Variants in KLF16 observed in about 807,000 individuals in gnomAD.
KLF16 encodes the protein Krueppel-like factor 16.
A neutral mutation model predicts 6.1 loss-of-function variants in KLF16; 6 were observed. The observed-to-expected ratio is 0.98, with a 90% CI of 0.54 to 1.93. The LOEUF (loss-of-function observed/expected upper bound fraction) is 1.93. Among genes scored for constraint, KLF16 ranks in the 30% most tolerant of loss-of-function variants. The probability of loss-of-function intolerance (pLI) is 0.01; values close to 1 mark genes in which losing one functional copy is unlikely to be tolerated. For synonymous variants in KLF16, 211 were observed against 176.5 expected (o/e 1.20, Z -1.55); for missense variants, 355 against 363.8 (o/e 0.98, Z 0.20).
At chr19:1,865,676 G>T (rs1450656398), upstream of KLF16, among the ~76,000 whole-genome samples, 1 of 152,146 alleles carries the variant, frequency 6.6e-6, no homozygotes, top group Non-Finnish European at 1.5e-5. Context: ...TCATCTGCAG[G>T]TCATGCCAGC....
the KLF16 span, chr19:1,875,347 T>TG: frequency 6.6e-6 from 1 of 152,216 alleles, no homozygotes; most frequent in African/African-American, 2.4e-5. Context: ...TCTGAATGCA[T>TG]GGGGCGCTCT....
intron 1 of KLF16, among the ~76,000 whole-genome samples, chr19:1,860,004 G>A (rs1438355099): frequency 6.6e-6 from 1 of 152,080 alleles, no homozygotes; most frequent in Non-Finnish European, 1.5e-5. Flanking sequence ...GTGCGGAGGA[G>A]AGAAGCCCTG....
chr19:1,862,765 G>A lies in KLF16; in HGVS notation c.457+276C>T, dbSNP rs1008969139. The stretch of plus-strand genomic sequence containing the variant: ...GCCCAGAAAGGGAGAGAGGTGGTCT[G>A]CCCAGGAGTCTCAATCCCGCCCGCA... On this transcript the variant is annotated intron_variant, in intron 1 of 1. Transcript: ENST00000250916. 1.5e-3 allele frequency: 561 copies of A among 369,360 alleles called. 1 individual carries two copies. Among genetic ancestry groups the A allele is most frequent in the Non-Finnish European group, 2.3e-3 (484 of 208,068 alleles). 22.9% of individuals were successfully genotyped at this position (369,360 alleles called of 1,614,324 possible). A position where few individuals can be genotyped will look rare whatever the true frequency, so the allele number is the denominator to read the frequency against.
the KLF16 span, among the ~76,000 whole-genome samples, chr19:1,870,766 C>T: frequency 4.3e-4 from 65 of 152,324 alleles, no homozygotes; most frequent in African/African-American, 1.4e-3. Flanking sequence ...GAGGCAGAGG[C>T]GGGCAGGTCA....
chr19:1,858,509 G>A (rs538254857), intron 1 of KLF16, among the ~76,000 whole-genome samples: 3 of 152,278 alleles, frequency 2.0e-5, no homozygotes, highest in South Asian at 2.1e-4. Context: ...CTTCATTGAC[G>A]GCTGGGTCCC....
intron 1 of KLF16, among the ~76,000 whole-genome samples, chr19:1,856,759 G>A (rs960633934): frequency 3.9e-5 from 6 of 152,200 alleles, no homozygotes; most frequent in African/African-American, 1.4e-4. Flanking sequence ...ATTGGGGCTC[G>A]CGCCCCTCCA....
At position 1,853,395 on chromosome 19, in the gene KLF16, GCACCCA is replaced by G. The variant is rs78380034; in HGVS notation, c.*1058_*1063del. The G allele has an allele frequency of 7.7e-3, 1,173 of 152,576 alleles. 8 individuals carry two copies. Among genetic ancestry groups the G allele is most frequent in the Non-Finnish European group, 0.012 (813 of 68,118 alleles). The allele number at this position is 152,576 out of a possible 1,614,324, so 9.5% of individuals were successfully genotyped here. A position where few individuals can be genotyped will look rare whatever the true frequency, so the allele number is the denominator to read the frequency against. ...ACGGGCCAGGACCCACCTCTTCCAA[GCACCCA>G]GGAGAAGGAGGGGAGGCCAGGGAAG... On this transcript the variant is annotated 3_prime_UTR_variant, in exon 2 of 2. Coordinates refer to ENST00000250916, the MANE Select transcript of KLF16 (RefSeq NM_031918.4).
chr19:1,874,656 A>C, the KLF16 span, among the ~76,000 whole-genome samples: 46 of 151,240 alleles, frequency 3.0e-4, no homozygotes, highest in African/African-American at 1.1e-3. Flanking sequence ...AAAAAATACA[A>C]ACAAAGTCAA....
Position 1,855,128 on chromosome 19 carries a change from G to A in KLF16, c.458-368C>T, listed in dbSNP as rs1001362571. Reference sequence around the variant, plus strand: ...GGCAGGGATTAGCAAAGGCCTCCCAGTGTCTGTCCCAGGCACAGGCACGCT... The same window carrying A: ...GGCAGGGATTAGCAAAGGCCTCCCAATGTCTGTCCCAGGCACAGGCACGCT... On this transcript the variant is annotated intron_variant, in intron 1 of 1. Coordinates refer to ENST00000250916, the MANE Select transcript of KLF16 (RefSeq NM_031918.4). Among the ~76,000 whole-genome samples the A allele has an allele frequency of 1.5e-4, 23 of 152,322 alleles. No homozygotes were observed. In the East Asian group the frequency reaches 4.3e-3, roughly 28 times the overall value.
At chr19:1,873,487 G>A in the KLF16 span, among the ~76,000 whole-genome samples, 59 of 152,352 alleles carry the variant, frequency 3.9e-4, no homozygotes, top group African/African-American at 1.3e-3. Flanking sequence ...GGGTCACCTG[G>A]CTGGTGTCTG....
chr19:1,862,955 C>A (rs902816703), intron 1 of KLF16, 86 bp downstream of exon 1: 32 of 832,084 alleles, frequency 3.8e-5, no homozygotes, highest in East Asian at 6.4e-5. Flanking sequence ...CCCCGCCCCC[C>A]ACGCGCCACG....
intron 1 of KLF16, among the ~76,000 whole-genome samples, chr19:1,858,495 G>A (rs552705261): frequency 7.2e-5 from 11 of 152,290 alleles, no homozygotes; most frequent in Non-Finnish European, 1.5e-4. Flanking sequence ...GCAGAAGGCA[G>A]GCACTTCATT....
upstream of KLF16, among the ~76,000 whole-genome samples, chr19:1,867,959 TGTGC>T (rs1555831993): frequency 1.8e-4 from 26 of 143,540 alleles, no homozygotes; most frequent in African/African-American, 6.2e-4. Context: ...TGTGTGTGTG[TGTGC>T]GTGCGCGCAT....
intron 1 of KLF16, chr19:1,862,736 CA>C: frequency 2.8e-6 from 1 of 354,714 alleles, no homozygotes; most frequent in Non-Finnish European, 5.0e-6. Flanking sequence ...AAAAACGGAA[CA>C]AGGCCCAGAA....
At chr19:1,872,916 T>C in the KLF16 span, among the ~76,000 whole-genome samples, 15 of 151,960 alleles carry the variant, frequency 9.9e-5, no homozygotes, top group Non-Finnish European at 2.1e-4. Flanking sequence ...GGGCGCCCAC[T>C]GGATGGACTC....
rs1286746265 is a variant in KLF16, at chr19:1,863,341, G to C, written c.157C>G (p.Pro53Ala). 47 of 980,914 alleles carry C rather than the reference G, an allele frequency of 4.8e-5. No homozygotes were observed. The highest frequency in any genetic ancestry group is 5.3e-5 in the Non-Finnish European group (44 of 828,694). 60.8% of individuals were successfully genotyped at this position (980,914 alleles called of 1,614,324 possible). Residue 53 changes from proline (P) to alanine (A), a missense_variant, in exon 1 of 2, where the codon CCC becomes GCC. Pro to Ala is a conservative substitution (Grantham distance 27). Coordinates refer to ENST00000250916, the MANE Select transcript of KLF16 (RefSeq NM_031918.4). ...VRAARREAAS[P>A]GTPGPPPPPP... ...GGCGGGGGTGGCCCCGGGGTCCCGGGTGAGGCGGCCTCGCGGCGCGCCGCG... is the reference window on the plus strand; with the variant it reads ...GGCGGGGGTGGCCCCGGGGTCCCGGCTGAGGCGGCCTCGCGGCGCGCCGCG...
rs1444884298 is a variant in KLF16 at position 1,863,476 on chromosome 19, C to A, written c.22G>T (p.Val8Leu). Residue 8 changes from valine (V) to leucine (L), a missense_variant, in exon 1 of 2, where the codon GTG becomes TTG. Physicochemically the swap from Val to Leu is conservative, Grantham distance 32. Transcript: ENST00000250916. MSAAVAC[V>L]DYFAADVLMA... Reference sequence around the variant, plus strand: ...AGCACGTCGGCGGCGAAGTAATCCACGCACGCCACGGCCGCCGACATGCCG... The same window carrying A: ...AGCACGTCGGCGGCGAAGTAATCCAAGCACGCCACGGCCGCCGACATGCCG... 2 of 1,040,412 alleles carry A rather than the reference C, an allele frequency of 1.9e-6. No individual in the cohort carries two copies. Among genetic ancestry groups the A allele is most frequent in the Non-Finnish European group, 2.3e-6 (2 of 862,036 alleles). 64.4% of individuals were successfully genotyped at this position (1,040,412 alleles called of 1,614,324 possible).
chr19:1,854,678 C>A lies in KLF16; in HGVS notation c.540G>T (p.Thr180=). ...AGGAGAAGCGCTTCTCGCCCGTGTG[C>A]GTCCGGTGGTGGCGGGCCAGCTCGT... ...RSDELARHHR[T]HTGEKRFSCP... is the part of the protein sequence containing the mutation. The change falls in exon 2 of 2, where the codon ACG becomes ACT. Residue 180 remains threonine (T), a synonymous_variant. Coordinates refer to ENST00000250916, the MANE Select transcript of KLF16 (RefSeq NM_031918.4). The A allele has an allele frequency of 6.2e-7, 1 of 1,600,478 alleles. No individual in the cohort carries two copies. Among genetic ancestry groups the A allele is most frequent in the Non-Finnish European group, 8.5e-7 (1 of 1,179,600 alleles).
At chr19:1,862,355 G>C (rs2012083097) in intron 1 of KLF16, among the ~76,000 whole-genome samples, 1 of 152,218 alleles carries the variant, frequency 6.6e-6, no homozygotes, top group Admixed American at 6.5e-5. Flanking sequence ...CCGCCAGGTA[G>C]GGGTGAACAA....
Sources: gnomAD v4.1 joint callset for allele counts (sites outside exome capture counted in the v4.1 genomes callset) on GRCh38, gnomAD v4.1.1 for gene constraint, MANE v1.5 for transcripts, NCBI Gene and HGNC (gene_info 2026-07-23, HGNC 2026-07-21) for gene names.